Variants in AFF3 observed in about 807,000 individuals in gnomAD.
AFF3 encodes ALF transcription elongation factor 3, also known as AF4/FMR2 family member 3.
In AFF3, 32 loss-of-function variants were observed where a neutral mutation model predicts 129.7. That is an observed-to-expected ratio of 0.25 (90% CI 0.19 to 0.33). The LOEUF (loss-of-function observed/expected upper bound fraction) is 0.33. AFF3 is among the 10% of genes least tolerant of loss of function. AFF3 has a pLI of 1.00. For synonymous variants in AFF3, 644 were observed against 635.4 expected (o/e 1.01, Z -0.20); for missense variants, 1,373 against 1,592.0 (o/e 0.86, Z 2.34).
chr2:99,746,797 A>C (rs1456254003), intron 9 of AFF3, among the ~76,000 whole-genome samples: 1 of 152,122 alleles, frequency 6.6e-6, no homozygotes, highest in Non-Finnish European at 1.5e-5. Context: ...AGTTAGTTTT[A>C]ACTTTGGCAC....
chr2:99,683,371 T>A (rs936361353), intron 11 of AFF3, among the ~76,000 whole-genome samples: 1 of 152,258 alleles, frequency 6.6e-6, no homozygotes, highest in South Asian at 2.1e-4. Context: ...ATATTCAGTA[T>A]TCTAACTGGA....
intron 4 of AFF3, among the ~76,000 whole-genome samples, chr2:100,024,997 T>C (rs961788): frequency 0.54 from 82,584 of 151,910 alleles, 23,283 homozygotes; most frequent in African/African-American, 0.69. Context: ...CAAAGCATTA[T>C]GTTTTAAAAA....
At chr2:100,004,717 T>TG (rs939248499) in intron 7 of AFF3, among the ~76,000 whole-genome samples, 1 of 152,216 alleles carries the variant, frequency 6.6e-6, no homozygotes, top group African/African-American at 2.4e-5. Context: ...ACTCACTACT[T>TG]GGCTGCTGAC....
intron 4 of AFF3, among the ~76,000 whole-genome samples, chr2:100,091,086 T>C (rs541809938): frequency 2.6e-5 from 4 of 152,216 alleles, no homozygotes; most frequent in South Asian, 2.1e-4. Flanking sequence ...TGGTGATGTG[T>C]AGGGGCTCTG....
chr2:99,814,409 A>G (rs1687050592), intron 8 of AFF3, among the ~76,000 whole-genome samples: 1 of 152,126 alleles, frequency 6.6e-6, no homozygotes, highest in African/African-American at 2.4e-5. Context: ...GAGAGACAAA[A>G]TATACTACTG....
intron 7 of AFF3, among the ~76,000 whole-genome samples, chr2:99,869,276 C>G (rs1217170428): frequency 1.3e-5 from 2 of 152,104 alleles, no homozygotes; most frequent in Admixed American, 6.5e-5. Flanking sequence ...CCAGAAAATA[C>G]CCAACAGCAT....
chr2:99,954,847 A>G (rs964643811), intron 7 of AFF3, among the ~76,000 whole-genome samples: 8 of 151,786 alleles, frequency 5.3e-5, no homozygotes, highest in African/African-American at 1.2e-4. Context: ...GCACACCAGC[A>G]TGGCACATGT....
chr2:99,583,040 G>A (rs1345732335), intron 16 of AFF3, 41 bp from the exon 17 acceptor site: 5 of 1,584,858 alleles, frequency 3.2e-6, no homozygotes, highest in Admixed American at 1.7e-5. Flanking sequence ...TACAGAGTCA[G>A]CACAGGGAAA....
chr2:99,738,513 A>G (rs1272884491), intron 10 of AFF3, among the ~76,000 whole-genome samples: 1 of 152,090 alleles, frequency 6.6e-6, no homozygotes, highest in African/African-American at 2.4e-5. Flanking sequence ...AAGGACTGCA[A>G]TTATACTTGA....
chr2:99,593,230 C>T lies in AFF3; in HGVS notation c.2431G>A (p.Glu811Lys). ...CTCTTGGATTTTGGCAAAGCCTTTT[C>T]TGCAGGTGTGTCCGAGGTGTGGCTG... ...PPSHTSDTPA[E>K]KALPKSKRKR... Residue 811 changes from glutamate to lysine, a missense_variant, in exon 15 of 25, where the codon GAA becomes AAA. Around this residue, in one of 9 missense-constraint regions of AFF3, gnomAD observed 466 missense variants for 505.0 expected, o/e 0.92. Coordinates refer to ENST00000672756, the MANE Select transcript of AFF3 (RefSeq NM_001386135.1). The T allele has an allele frequency of 6.2e-7, 1 of 1,602,248 alleles. No individual in the cohort carries two copies.
chr2:99,715,439 A>C (rs779838305), intron 11 of AFF3, among the ~76,000 whole-genome samples: 3 of 152,174 alleles, frequency 2.0e-5, no homozygotes, highest in Non-Finnish European at 4.4e-5. Context: ...CGAAACAGGC[A>C]CTTTCCATAT....
intron 7 of AFF3, among the ~76,000 whole-genome samples, chr2:99,872,207 C>CAAA (rs397871895): frequency 2.3e-4 from 14 of 61,778 alleles, no homozygotes; most frequent in Admixed American, 4.8e-4. Context: ...GACTCCATCT[C>CAAA]AAAAAAAAAA....
chr2:99,811,755 C>T (rs905687324), intron 8 of AFF3, among the ~76,000 whole-genome samples: 1 of 152,240 alleles, frequency 6.6e-6, no homozygotes, highest in Non-Finnish European at 1.5e-5. Flanking sequence ...GGTTGAGTCA[C>T]CATTTGGACG....
chr2:99,817,170 G>C (rs904476080), intron 8 of AFF3, among the ~76,000 whole-genome samples: 2 of 152,130 alleles, frequency 1.3e-5, no homozygotes, highest in Non-Finnish European at 2.9e-5. Flanking sequence ...CACAGGAAAG[G>C]CTTCTCGAGA....
intron 4 of AFF3, among the ~76,000 whole-genome samples, chr2:100,056,540 T>C (rs1686800348): frequency 6.6e-6 from 1 of 152,198 alleles, no homozygotes; most frequent in Non-Finnish European, 1.5e-5. Context: ...TGCAAGTTCC[T>C]TCCGTGCCCA....
chr2:99,582,744 G>T, intron 17 of AFF3, 54 bp downstream of exon 17: 2 of 1,576,812 alleles, frequency 1.3e-6, no homozygotes, highest in South Asian at 1.1e-5. Context: ...ACAGAGCTTG[G>T]GGGTGCTCAA....
intron 7 of AFF3, among the ~76,000 whole-genome samples, chr2:99,860,600 C>T (rs978509975): frequency 5.9e-5 from 9 of 151,652 alleles, no homozygotes; most frequent in Admixed American, 3.3e-4. Context: ...TGGTGGTGTG[C>T]GCCTGTAATC....
intron 4 of AFF3, among the ~76,000 whole-genome samples, chr2:100,014,784 T>C (rs1053006583): frequency 3.1e-5 from 3 of 97,508 alleles, no homozygotes; most frequent in African/African-American, 1.7e-4. Flanking sequence ...CCTTGCTTCC[T>C]TTTTTTTTTT....
chr2:99,928,901 A>G (rs1250927647), intron 7 of AFF3, among the ~76,000 whole-genome samples: 1 of 152,120 alleles, frequency 6.6e-6, no homozygotes, highest in East Asian at 1.9e-4. Context: ...GATGATAACA[A>G]CTCTGACCGC....
Sources: gnomAD v4.1 joint callset for allele counts (sites outside exome capture counted in the v4.1 genomes callset) on GRCh38, gnomAD v4.1.1 for gene constraint, gnomAD v4.1.1 regional missense constraint, MANE v1.5 for transcripts, NCBI Gene and HGNC (gene_info 2026-07-23, HGNC 2026-07-21) for gene names.